LRRC74B: variants seen among roughly 807,000 people sequenced by gnomAD.
LRRC74B encodes the protein leucine-rich repeat-containing protein 74B.
A neutral mutation model predicts 16.6 loss-of-function variants in LRRC74B; 30 were observed. That is an observed-to-expected ratio of 1.80 (90% CI 1.35 to 2.45). The LOEUF (loss-of-function observed/expected upper bound fraction) is 2.45. LRRC74B is among the 30% of genes most tolerant of loss of function. The pLI is 0.00. For missense variants in LRRC74B, 326 were observed against 202.4 expected, an observed-to-expected ratio of 1.61 and a Z score of -3.71; for synonymous variants, 134 against 86.0, an observed-to-expected ratio of 1.56 and a Z score of -3.09.
At chr22:21,051,918 C>T (rs1339934543) in intron 4 of LRRC74B, among the ~76,000 whole-genome samples, 1 of 152,216 alleles carries the variant, frequency 6.6e-6, no homozygotes, top group Non-Finnish European at 1.5e-5. Context: ...CCTGTGTCTC[C>T]TCCCCACTGT....
chr22:21,047,670 G>A (rs373068876), intron 2 of LRRC74B, among the ~76,000 whole-genome samples, 172 bp downstream of exon 2: 31 of 152,320 alleles, frequency 2.0e-4, no homozygotes, highest in Admixed American at 8.5e-4. Context: ...GACAGGTGGC[G>A]TTAAGGGTTG....
exon 8 of LRRC74B, chr22:21,057,112 G>C (rs1601822174): frequency 1.4e-6 from 1 of 717,420 alleles, no homozygotes; most frequent in East Asian, 2.7e-5. Flanking sequence ...CAGGTGTCCA[G>C]GAATCCCATG....
At chr22:21,046,032 G>A (rs1234025765) in exon 1 of LRRC74B, 1 of 717,530 alleles carries the variant, frequency 1.4e-6, no homozygotes, top group South Asian at 1.5e-5. Context: ...AGAGCAGAAA[G>A]AAGAGGCTAT....
chr22:21,047,342 C>G lies in LRRC74B; in HGVS notation c.140-14C>G, dbSNP rs529532760. On this transcript the variant is annotated splice_polypyrimidine_tract_variant and intron_variant, in intron 1 of 8. Transcript: ENST00000442047. ...CTGTGCAGGGTCCACATTCGTCCCC[C>G]TGTCTCCTGCCAGGCACCGATGGGC... 1 of 716,486 alleles carries G rather than the reference C, an allele frequency of 1.4e-6. No homozygotes were observed. The allele number at this position is 716,486 out of a possible 1,614,324, so 44.4% of individuals were successfully genotyped here. A position where few individuals can be genotyped will look rare whatever the true frequency, so the allele number is the denominator to read the frequency against.
At chr22:21,052,854 G>A (rs1930181618) in intron 5 of LRRC74B, among the ~76,000 whole-genome samples, 1 of 152,208 alleles carries the variant, frequency 6.6e-6, no homozygotes, top group Non-Finnish European at 1.5e-5. Context: ...CCCTCCTCAG[G>A]CCATGGCAGC....
At chr22:21,059,731 A>G (rs1357236553) in intron 8 of LRRC74B, among the ~76,000 whole-genome samples, 1 of 152,112 alleles carries the variant, frequency 6.6e-6, no homozygotes. Context: ...TTCAAGGAAA[A>G]TCTTTCCCTA....
chr22:21,051,105 T>C (rs1001801074), intron 4 of LRRC74B, among the ~76,000 whole-genome samples: 1 of 152,020 alleles, frequency 6.6e-6, no homozygotes, highest in African/African-American at 2.4e-5. Flanking sequence ...TGAGCCGTGA[T>C]TGTCCCACTG....
At position 21,058,608 on chromosome 22, in the gene LRRC74B, T is replaced by C. The variant is rs187289874; in HGVS notation, c.1023+1408T>C. 1.8e-3 allele frequency among the ~76,000 whole-genome samples: 269 copies of C among 152,310 alleles called. 2 individuals are homozygous for C. The highest frequency in any genetic ancestry group is 6.2e-3 in the African/African-American group (257 of 41,566). Reference sequence around the variant, plus strand: ...CAACCCAGACTTGAGTCAAAGCCTTTCCAGAAATGTGTCTGTGTAGTTTCA... The same window carrying C: ...CAACCCAGACTTGAGTCAAAGCCTTCCCAGAAATGTGTCTGTGTAGTTTCA... On this transcript the variant is annotated intron_variant, in intron 8 of 8. Transcript: ENST00000442047.
At chr22:21,053,088 C>T (rs770112184) in intron 5 of LRRC74B, among the ~76,000 whole-genome samples, 3 of 152,166 alleles carry the variant, frequency 2.0e-5, no homozygotes, top group South Asian at 2.1e-4. Context: ...GCTCTGCACA[C>T]GCCCCTCCCA....
exon 1 of LRRC74B, chr22:21,045,993 G>T (rs12170538): frequency 4.2e-6 from 3 of 717,438 alleles, no homozygotes; most frequent in Non-Finnish European, 7.8e-6. Context: ...AACCATGAGG[G>T]GTTCCTGTGA....
rs984687189 is a variant in LRRC74B at position 21,057,219 on chromosome 22, C to T, written c.1023+19C>T. 1.1e-5 allele frequency: 8 copies of T among 716,612 alleles called. No individual in the cohort carries two copies. Among genetic ancestry groups the T allele is most frequent in the Non-Finnish European group, 1.8e-5 (7 of 384,842 alleles). 44.4% of individuals were successfully genotyped at this position (716,612 alleles called of 1,614,324 possible). ...TTTCTCAGTAAGAGCATTTTATAAA[C>T]CTCGTTTCTGATCCTCCCAGCAGCC... On this transcript the variant is annotated intron_variant, in intron 8 of 8. Transcript: ENST00000442047.
chr22:21,060,901 G>A (rs1445714120), downstream of LRRC74B, among the ~76,000 whole-genome samples: 2 of 152,098 alleles, frequency 1.3e-5, no homozygotes, highest in Admixed American at 6.6e-5. Context: ...AATGCAAACG[G>A]GCACAGCCTT....
chr22:21,051,527 G>A (rs974096577), intron 4 of LRRC74B, among the ~76,000 whole-genome samples: 1 of 151,758 alleles, frequency 6.6e-6, no homozygotes, highest in Non-Finnish European at 1.5e-5. Flanking sequence ...CAGCCCTGTT[G>A]CCTCTTGCCT....
chr22:21,050,980 CAAAAAAAAA>C (rs56383758), intron 4 of LRRC74B, among the ~76,000 whole-genome samples: 2 of 73,426 alleles, frequency 2.7e-5, no homozygotes, highest in African/African-American at 5.0e-5. Context: ...GACTCCGTCT[CAAAAAAAAA>C]AAAAAAAAAA....
intron 1 of LRRC74B, among the ~76,000 whole-genome samples, chr22:21,047,052 C>G (rs1929504268): frequency 1.3e-5 from 2 of 151,034 alleles, no homozygotes; most frequent in South Asian, 4.2e-4. Context: ...GAGATCGTGC[C>G]ACTGCATTCC....
chr22:21,049,154 G>A (rs1366843972), exon 4 of LRRC74B: 1 of 716,280 alleles, frequency 1.4e-6, no homozygotes, highest in South Asian at 1.5e-5. Flanking sequence ...GAATGACCAA[G>A]CAGGTAACGC....
chr22:21,049,136 A>C (rs1209465539), exon 4 of LRRC74B: 1 of 716,044 alleles, frequency 1.4e-6, no homozygotes, highest in African/African-American at 1.7e-5. Flanking sequence ...CCTGAGCTAC[A>C]ACCAGCTGAA....
chr22:21,054,249 C>T (rs1275106071), intron 6 of LRRC74B, among the ~76,000 whole-genome samples: 3 of 152,142 alleles, frequency 2.0e-5, no homozygotes, highest in Non-Finnish European at 2.9e-5. Context: ...TTGCTTGAGC[C>T]GAGGATTCAG....
intron 1 of LRRC74B, among the ~76,000 whole-genome samples, chr22:21,046,329 C>T (rs1266228946): frequency 7.5e-6 from 1 of 132,690 alleles, no homozygotes; most frequent in East Asian, 1.9e-4. Context: ...AGGGCTGTCC[C>T]ACCCTGAAAT....
Sources: gnomAD v4.1 joint callset for allele counts (sites outside exome capture counted in the v4.1 genomes callset) on GRCh38, gnomAD v4.1.1 for gene constraint, MANE v1.5 for transcripts, NCBI Gene and HGNC (gene_info 2026-07-23, HGNC 2026-07-21) for gene names.